NFKB1: variants seen among roughly 807,000 people sequenced by gnomAD.
NFKB1 encodes nuclear factor NF-kappa-B p105 subunit.
A neutral mutation model predicts 105.1 loss-of-function variants in NFKB1; 9 were observed. The ratio of observed to expected loss-of-function variants is 0.09; its 90% CI spans 0.05 to 0.15. The LOEUF is 0.15. Ranked by LOEUF, NFKB1 falls within the 10% of genes least tolerant of loss-of-function variation. The probability of loss-of-function intolerance (pLI) is 1.00; values close to 1 mark genes in which losing one functional copy is unlikely to be tolerated. For synonymous variants in NFKB1, 440 were observed against 442.2 expected, an observed-to-expected ratio of 1.00 and a Z score of 0.06; for missense variants, 830 against 1,203.7, an observed-to-expected ratio of 0.69 and a Z score of 4.59.
chr4:102,542,738 T>C (rs1218179985), intron 5 of NFKB1, among the ~76,000 whole-genome samples: 1 of 152,236 alleles, frequency 6.6e-6, no homozygotes, highest in Non-Finnish European at 1.5e-5. Flanking sequence ...GGATGGCTCC[T>C]TTTCAGGGCA....
intron 5 of NFKB1, among the ~76,000 whole-genome samples, chr4:102,560,208 T>G (rs1379527890): frequency 6.6e-6 from 1 of 152,186 alleles, no homozygotes. Flanking sequence ...AGGTACAAGT[T>G]CCCAGCAATT....
chr4:102,584,889 T>G (rs1725591909), intron 11 of NFKB1, 69 bp downstream of exon 11: 1 of 1,438,628 alleles, frequency 7.0e-7, no homozygotes, highest in Non-Finnish European at 9.4e-7. Flanking sequence ...TGTTTTGTTT[T>G]GTTTTGTTTT....
chr4:102,584,850 A>ATATTT (rs751531962), intron 11 of NFKB1, 30 bp downstream of exon 11: 10 of 1,557,974 alleles, frequency 6.4e-6, no homozygotes, highest in East Asian at 4.5e-5. Flanking sequence ...TCTTATGCTC[A>ATATTT]TATTTTATTT....
At chr4:102,597,327 T>C (rs1726702046) in intron 14 of NFKB1, among the ~76,000 whole-genome samples, 193 bp from the exon 15 acceptor site, 1 of 152,242 alleles carries the variant, frequency 6.6e-6, no homozygotes, top group Non-Finnish European at 1.5e-5. Flanking sequence ...TCTAACTATA[T>C]TTGTCAGTGA....
chr4:102,587,667 A>G (rs3821958), intron 11 of NFKB1, among the ~76,000 whole-genome samples: 62,949 of 151,806 alleles, frequency 0.41, 13,217 homozygotes, highest in Admixed American at 0.48. Context: ...CATTGATGAA[A>G]AGCTTCATAC....
At chr4:102,536,681 T>C (rs1243689404) in intron 4 of NFKB1, among the ~76,000 whole-genome samples, 1 of 152,120 alleles carries the variant, frequency 6.6e-6, no homozygotes, top group Non-Finnish European at 1.5e-5. Context: ...CACAATTTAA[T>C]GAGTAAGGGA....
intron 15 of NFKB1, 49 bp from the exon 16 acceptor site, chr4:102,600,840 CTTTTCT>C: frequency 9.6e-7 from 1 of 1,038,094 alleles, no homozygotes; most frequent in Non-Finnish European, 1.5e-6. Flanking sequence ...TCTTGGGAAT[CTTTTCT>C]TTTTCATTAA....
chr4:102,509,893 G>A (rs1739665188), intron 1 of NFKB1, among the ~76,000 whole-genome samples: 1 of 152,120 alleles, frequency 6.6e-6, no homozygotes, highest in African/African-American at 2.4e-5. Context: ...TTTCTAAAGT[G>A]TAAATCGGAT....
At chr4:102,518,187 T>C (rs1042222252) in intron 1 of NFKB1, among the ~76,000 whole-genome samples, 5 of 152,228 alleles carry the variant, frequency 3.3e-5, no homozygotes, top group Admixed American at 6.5e-5. Flanking sequence ...ATGGGGCTCA[T>C]TGCAGCAGGA....
intron 21 of NFKB1, 113 bp downstream of exon 21, chr4:102,612,223 CA>C: frequency 9.4e-7 from 1 of 1,064,886 alleles, no homozygotes; most frequent in Non-Finnish European, 1.4e-6. Flanking sequence ...ATTTCAGAAC[CA>C]AAAGATGCTG....
chr4:102,560,406 C>A (rs140273420), intron 5 of NFKB1, among the ~76,000 whole-genome samples: 98 of 152,284 alleles, frequency 6.4e-4, no homozygotes, highest in Middle Eastern at 3.4e-3. Flanking sequence ...CTGTGTAATT[C>A]ACGAGAACTT....
At chr4:102,585,893 G>C (rs1452639230) in intron 11 of NFKB1, among the ~76,000 whole-genome samples, 1 of 152,160 alleles carries the variant, frequency 6.6e-6, no homozygotes, top group Non-Finnish European at 1.5e-5. Flanking sequence ...CGTTTATGCA[G>C]AGGGAAAAAA....
At chr4:102,536,809 C>T (rs1741669059) in intron 4 of NFKB1, among the ~76,000 whole-genome samples, 1 of 152,078 alleles carries the variant, frequency 6.6e-6, no homozygotes, top group Admixed American at 6.6e-5. Flanking sequence ...CTTAAAAAAT[C>T]TTAACGTATT....
At chr4:102,536,855 A>G (rs1239538436) in intron 4 of NFKB1, among the ~76,000 whole-genome samples, 1 of 152,214 alleles carries the variant, frequency 6.6e-6, no homozygotes, top group Non-Finnish European at 1.5e-5. Flanking sequence ...TAAAAAGAAA[A>G]TCATCTGCTT....
chr4:102,612,570 T>G lies in NFKB1; in HGVS notation c.2556T>G (p.Ser852Arg), dbSNP rs147169338. 6 of 1,613,852 alleles carry G rather than the reference T, an allele frequency of 3.7e-6. No homozygotes were observed. Among genetic ancestry groups the G allele is most frequent in the Non-Finnish European group, 5.1e-6 (6 of 1,180,000 alleles). Residue 852 changes from serine to arginine, a missense_variant, in exon 22 of 24, where the codon AGT becomes AGG. Physicochemically the swap from Ser to Arg is moderately radical, Grantham distance 110. Around this residue, in one of 8 missense-constraint regions of NFKB1, gnomAD observed 418 missense variants for 575.3 expected, o/e 0.73. Coordinates refer to ENST00000226574, the MANE Select transcript of NFKB1 (RefSeq NM_003998.4). Reference sequence around the variant, plus strand: ...TACTTAATAATGCCTTCCGGCTGAGTCCTGCTCCTTCCAAAACACTTATGG... The same window carrying G: ...TACTTAATAATGCCTTCCGGCTGAGGCCTGCTCCTTCCAAAACACTTATGG... The part of the protein sequence containing the change: ...LGILNNAFRL[S>R]PAPSKTLMDN...
At chr4:102,542,938 CTTTCA>C (rs1442039703) in intron 5 of NFKB1, among the ~76,000 whole-genome samples, 3 of 152,180 alleles carry the variant, frequency 2.0e-5, no homozygotes, top group African/African-American at 7.2e-5. Flanking sequence ...ATATCTTGTC[CTTTCA>C]TAAGAAAAAT....
intron 15 of NFKB1, 37 bp downstream of exon 15, chr4:102,597,698 T>G: frequency 6.3e-7 from 1 of 1,592,908 alleles, no homozygotes; most frequent in African/African-American, 1.3e-5. Flanking sequence ...TTGTCCTGGG[T>G]GGGGAAGAAG....
At chr4:102,589,563 C>T (rs1726002744) in intron 11 of NFKB1, among the ~76,000 whole-genome samples, 1 of 151,958 alleles carries the variant, frequency 6.6e-6, no homozygotes, top group African/African-American at 2.4e-5. Flanking sequence ...CCTGCTTCAT[C>T]TTTCAACTGC....
intron 7 of NFKB1, chr4:102,578,653 G>A (rs1394470399): frequency 3.8e-6 from 2 of 527,126 alleles, no homozygotes; most frequent in Non-Finnish European, 6.7e-6. Context: ...ATACACGGAA[G>A]AGAGTTTTTA....
Sources: allele counts gnomAD v4.1 joint callset (sites outside exome capture counted in the v4.1 genomes callset), GRCh38; gene constraint gnomAD v4.1.1; regional missense constraint gnomAD v4.1.1; transcripts MANE v1.5; gene names NCBI Gene and HGNC (gene_info 2026-07-23, HGNC 2026-07-21).